DLG2: variants seen among roughly 807,000 people sequenced by gnomAD.
DLG2 encodes the protein disks large homolog 2.
In DLG2, 45 loss-of-function variants were observed where a neutral mutation model predicts 132.5. The ratio of observed to expected loss-of-function variants is 0.34; its 90% CI spans 0.27 to 0.44. The LOEUF (loss-of-function observed/expected upper bound fraction) is 0.44, where lower values mean the gene tolerates loss of function less well. Among genes scored for constraint, DLG2 ranks in the 20% least tolerant of loss-of-function variants. The probability of loss-of-function intolerance (pLI) is 1.00; values close to 1 mark genes in which losing one functional copy is unlikely to be tolerated. For missense variants in DLG2, 1,045 were observed against 1,196.9 expected (o/e 0.87, Z 1.87); for synonymous variants, 424 against 419.6 (o/e 1.01, Z -0.13).
rs148410499 is a variant in DLG2, at chr11:83,750,610, A to G, written c.1825+36080T>C. 1.9e-3 allele frequency among the ~76,000 whole-genome samples: 285 copies of G among 152,280 alleles called. 5 individuals carry two copies. The highest frequency in any genetic ancestry group is 6.3e-3 in the African/African-American group (261 of 41,542). ...TTCAAATAATGTGCCATTTGAACAA[A>G]TGGTTCCATGACATTATAGATATAT... On this transcript the variant is annotated intron_variant, in intron 18 of 27. Transcript: ENST00000376104.
At chr11:83,512,190 G>A (rs1442349166) in intron 21 of DLG2, among the ~76,000 whole-genome samples, 4 of 152,136 alleles carry the variant, frequency 2.6e-5, no homozygotes, top group African/African-American at 7.2e-5. Context: ...TGCCCAATGG[G>A]GAGGTGCAAA....
At chr11:84,844,585 T>A (rs2081234354) in intron 6 of DLG2, among the ~76,000 whole-genome samples, 1 of 152,018 alleles carries the variant, frequency 6.6e-6, no homozygotes, top group Non-Finnish European at 1.5e-5. Flanking sequence ...ACACTTTTTC[T>A]CTTTCTTGCT....
chr11:83,599,189 A>T (rs2153366077), intron 19 of DLG2, among the ~76,000 whole-genome samples: 1 of 152,296 alleles, frequency 6.6e-6, no homozygotes, highest in Admixed American at 6.5e-5. Flanking sequence ...GCTCTCTATG[A>T]ACTACAGCCT....
intron 18 of DLG2, among the ~76,000 whole-genome samples, chr11:83,776,749 C>T (rs962533642): frequency 2.6e-5 from 4 of 152,136 alleles, no homozygotes; most frequent in Admixed American, 2.6e-4. Flanking sequence ...GATATCTTTC[C>T]CTCCTGAAAT....
intron 3 of DLG2, among the ~76,000 whole-genome samples, chr11:85,564,222 T>C (rs976117375): frequency 1.3e-5 from 2 of 152,088 alleles, no homozygotes; most frequent in Admixed American, 6.6e-5. Flanking sequence ...CTTTTCATTT[T>C]CTTGATGGTG....
At chr11:84,368,377 G>T (rs577694902) in intron 7 of DLG2, among the ~76,000 whole-genome samples, 2 of 151,734 alleles carry the variant, frequency 1.3e-5, no homozygotes, top group Admixed American at 6.6e-5. Context: ...TTCTATGTTT[G>T]CCTATTCTTC....
At chr11:84,463,131 G>A (rs1011296883) in intron 7 of DLG2, among the ~76,000 whole-genome samples, 1 of 151,160 alleles carries the variant, frequency 6.6e-6, no homozygotes, top group Non-Finnish European at 1.5e-5. Context: ...TCAGCCCCTT[G>A]CTCAATGTCA....
At chr11:84,138,195 T>C (rs2094685110) in intron 9 of DLG2, among the ~76,000 whole-genome samples, 3 of 152,200 alleles carry the variant, frequency 2.0e-5, no homozygotes, top group Admixed American at 6.5e-5. Flanking sequence ...AAAATAGATA[T>C]GACAATAATT....
intron 6 of DLG2, among the ~76,000 whole-genome samples, chr11:84,813,930 G>A (rs2076835362): frequency 6.6e-6 from 1 of 151,966 alleles, no homozygotes; most frequent in African/African-American, 2.4e-5. Flanking sequence ...AAATAGGATG[G>A]TGCTCATTTC....
chr11:83,474,065 C>T (rs191540297), intron 22 of DLG2, among the ~76,000 whole-genome samples: 74 of 152,060 alleles, frequency 4.9e-4, no homozygotes, highest in African/African-American at 1.5e-3. Context: ...CTCAGAATGG[C>T]GCCACCATGC....
At chr11:83,530,926 C>T (rs1244059204) in intron 21 of DLG2, among the ~76,000 whole-genome samples, 1 of 151,808 alleles carries the variant, frequency 6.6e-6, no homozygotes, top group African/African-American at 2.4e-5. Flanking sequence ...TTGCAATGAA[C>T]AATCCAAAAA....
chr11:85,192,856 G>A (rs1292819922), intron 4 of DLG2, among the ~76,000 whole-genome samples: 1 of 152,158 alleles, frequency 6.6e-6, no homozygotes, highest in Non-Finnish European at 1.5e-5. Flanking sequence ...ATCCACCCAT[G>A]TTCCTGTGGC....
At chr11:83,464,360 A>G (rs1472102297) in intron 26 of DLG2, among the ~76,000 whole-genome samples, 7 of 152,228 alleles carry the variant, frequency 4.6e-5, no homozygotes, top group Admixed American at 4.6e-4. Context: ...TAAATGTGAC[A>G]GCTGTCATGC....
chr11:84,127,673 A>G (rs1203963491), intron 9 of DLG2, among the ~76,000 whole-genome samples: 3 of 152,064 alleles, frequency 2.0e-5, no homozygotes, highest in Admixed American at 6.6e-5. Flanking sequence ...GGCTCAAACT[A>G]TCTTCCTGCC....
intron 6 of DLG2, among the ~76,000 whole-genome samples, chr11:84,602,892 T>A (rs1329178499): frequency 6.6e-6 from 1 of 151,900 alleles, no homozygotes; most frequent in African/African-American, 2.4e-5. Flanking sequence ...AAAGAAAAAG[T>A]GTAAAACAAT....
At chr11:84,143,090 T>A (rs189311511) in intron 9 of DLG2, among the ~76,000 whole-genome samples, 277 of 152,292 alleles carry the variant, frequency 1.8e-3, no homozygotes, top group African/African-American at 6.1e-3. Flanking sequence ...ATACAGTGTC[T>A]TTGTAGAATT....
chr11:84,696,023 G>A (rs1236396629), intron 6 of DLG2, among the ~76,000 whole-genome samples: 3 of 151,558 alleles, frequency 2.0e-5, no homozygotes, highest in East Asian at 3.9e-4. Context: ...TTCCTTCAAC[G>A]AACACTTAAC....
At chr11:85,136,164 C>G (rs930756458) in intron 5 of DLG2, among the ~76,000 whole-genome samples, 1 of 152,164 alleles carries the variant, frequency 6.6e-6, no homozygotes, top group African/African-American at 2.4e-5. Context: ...ACTGAATATG[C>G]AATCTTTATT....
chr11:85,501,333 A>G lies in DLG2; in HGVS notation c.40+97324T>C, dbSNP rs188917879. ...TAAAAATCCTAGAAGAAAACCTGTG[A>G]AATACCATTCAGGACATAGGCATGG... On this transcript the variant is annotated intron_variant, in intron 3 of 27. Coordinates refer to ENST00000376104, the MANE Select transcript of DLG2 (RefSeq NM_001142699.3). 3.9e-5 allele frequency among the ~76,000 whole-genome samples: 6 copies of G among 152,164 alleles called. No individual in the cohort carries two copies. The East Asian group carries it at 1.2e-3, about 29-fold the overall frequency.
Sources: allele counts gnomAD v4.1 joint callset (sites outside exome capture counted in the v4.1 genomes callset), GRCh38; gene constraint gnomAD v4.1.1; transcripts MANE v1.5; gene names NCBI Gene and HGNC (gene_info 2026-07-23, HGNC 2026-07-21).